LCP2: variants seen among roughly 807,000 people sequenced by gnomAD.
LCP2 encodes 76 kDa tyrosine phosphoprotein.
A neutral mutation model predicts 74.5 loss-of-function variants in LCP2; 29 were observed. That is an observed-to-expected ratio of 0.39 (90% CI 0.29 to 0.53). LCP2 has a LOEUF of 0.53. Among genes scored for constraint, LCP2 ranks in the 20% least tolerant of loss-of-function variants. The pLI is 0.72. For missense variants in LCP2, 604 were observed against 634.6 expected (o/e 0.95, Z 0.52); for synonymous variants, 228 against 229.5 (o/e 0.99, Z 0.06).
chr5:170,277,523 A>G (rs993322384), intron 3 of LCP2, among the ~76,000 whole-genome samples: 7 of 151,848 alleles, frequency 4.6e-5, no homozygotes, highest in African/African-American at 1.7e-4. Context: ...TGAGGTGAGC[A>G]GATCACTGAG....
intron 6 of LCP2, 56 bp downstream of exon 6, chr5:170,274,245 C>T: frequency 6.3e-7 from 1 of 1,583,662 alleles, no homozygotes; most frequent in Non-Finnish European, 8.6e-7. Flanking sequence ...CTCCTTATCA[C>T]AAAGCTGCCC....
At chr5:170,279,860 T>A (rs114687100) in intron 3 of LCP2, among the ~76,000 whole-genome samples, 3 of 151,638 alleles carry the variant, frequency 2.0e-5, no homozygotes, top group Non-Finnish European at 4.4e-5. Context: ...TGAACAACAG[T>A]GAAGGAAGCC....
chr5:170,281,335 A>G (rs947733647), intron 3 of LCP2, among the ~76,000 whole-genome samples: 1 of 151,810 alleles, frequency 6.6e-6, no homozygotes, highest in Non-Finnish European at 1.5e-5. Flanking sequence ...GCTGGAGTGC[A>G]GTGCCACGAT....
chr5:170,262,509 C>G, intron 13 of LCP2, 126 bp downstream of exon 13: 1 of 654,842 alleles, frequency 1.5e-6, no homozygotes, highest in Non-Finnish European at 2.7e-6. Context: ...CCTCAAGCCA[C>G]AGCAAGAAAA....
chr5:170,254,327 T>G (rs746710373), intron 17 of LCP2, among the ~76,000 whole-genome samples: 5 of 152,114 alleles, frequency 3.3e-5, no homozygotes, highest in Non-Finnish European at 7.4e-5. Context: ...AGCAAGTACT[T>G]CCGGTGGTTC....
At chr5:170,263,162 A>G (rs1248850607) in intron 10 of LCP2, among the ~76,000 whole-genome samples, 170 bp from the exon 11 acceptor site, 1 of 152,234 alleles carries the variant, frequency 6.6e-6, no homozygotes, top group African/African-American at 2.4e-5. Context: ...GAGACCACCA[A>G]ATTTTATAAG....
intron 15 of LCP2, 70 bp from the exon 16 acceptor site, chr5:170,258,236 C>A (rs147357408): frequency 8.5e-6 from 13 of 1,536,540 alleles, no homozygotes; most frequent in Non-Finnish European, 1.2e-5. Context: ...ATTCCATAAC[C>A]GCCCCCCAGT....
intron 11 of LCP2, 45 bp from the exon 12 acceptor site, chr5:170,262,906 A>G (rs1429050244): frequency 6.2e-7 from 1 of 1,614,042 alleles, no homozygotes; most frequent in East Asian, 2.2e-5. Flanking sequence ...AGCACTTTTC[A>G]AAGAATAAGG....
chr5:170,253,539 G>A (rs1354150989), intron 17 of LCP2, among the ~76,000 whole-genome samples: 1 of 152,156 alleles, frequency 6.6e-6, no homozygotes, highest in Non-Finnish European at 1.5e-5. Flanking sequence ...TAATGAATGT[G>A]AACGTCAAAA....
intron 3 of LCP2, 73 bp from the exon 4 acceptor site, chr5:170,275,933 C>A: frequency 7.5e-7 from 1 of 1,338,482 alleles, no homozygotes. Flanking sequence ...CCCTTGATAT[C>A]CCCTGGTCTA....
chr5:170,269,013 A>C (rs1487490461), intron 7 of LCP2, among the ~76,000 whole-genome samples: 1 of 150,052 alleles, frequency 6.7e-6, no homozygotes, highest in South Asian at 2.1e-4. Flanking sequence ...TCTCACTGCC[A>C]TAGGGATCTT....
At chr5:170,262,564 C>T in intron 13 of LCP2, 71 bp downstream of exon 13, 1 of 1,174,934 alleles carries the variant, frequency 8.5e-7, no homozygotes, top group Non-Finnish European at 1.2e-6. Flanking sequence ...GTTCCCACTG[C>T]AGAGTCAGCA....
chr5:170,269,179 A>AGCAGAAACTCACATTATCTGG (rs1375807761), intron 7 of LCP2, among the ~76,000 whole-genome samples: 2 of 152,202 alleles, frequency 1.3e-5, no homozygotes, highest in Non-Finnish European at 2.9e-5. Context: ...ATTTGCCTCG[A>AGCAGAAACTCACATTATCTGG]GCAGAAACTC....
At chr5:170,279,319 T>C (rs931087561) in intron 3 of LCP2, among the ~76,000 whole-genome samples, 4 of 152,160 alleles carry the variant, frequency 2.6e-5, no homozygotes, top group African/African-American at 7.2e-5. Context: ...CCAGTCTTCA[T>C]CTTCTCAGTC....
chr5:170,262,708 G>T lies in LCP2; in HGVS notation c.853C>A (p.Pro285Thr), dbSNP rs1761678478. ...CTTTCCGTGGTCGGTGGTAAAGGAG[G>T]CTTTTGAATCTTGGGTAAATGCTCC... ...LGEHLPKIQK[P>T]PLPPTTERHE... Residue 285 changes from proline to threonine, a missense_variant, in exon 13 of 21, where the codon CCT becomes ACT. Pro to Thr is a conservative substitution (Grantham distance 38). Coordinates refer to ENST00000046794, the MANE Select transcript of LCP2 (RefSeq NM_005565.5). 6.2e-7 allele frequency: 1 copy of T among 1,613,842 alleles called. No homozygotes were observed. Among genetic ancestry groups the T allele is most frequent in the African/African-American group, 1.3e-5 (1 of 74,928 alleles).
At chr5:170,267,577 A>AC (rs1761791472) in intron 8 of LCP2, among the ~76,000 whole-genome samples, 1 of 139,222 alleles carries the variant, frequency 7.2e-6, no homozygotes, top group African/African-American at 2.7e-5. Flanking sequence ...GGTCCTTGTC[A>AC]CCTCCCCCCC....
rs1761349086 is a variant in LCP2 at position 170,248,483 on chromosome 5, C to T, written c.*214G>A. On this transcript the variant is annotated 3_prime_UTR_variant, in exon 21 of 21. Coordinates refer to ENST00000046794, the MANE Select transcript of LCP2 (RefSeq NM_005565.5). ...CTAGACTTCAAGTGTGAACATGACT[C>T]ATGCACTTTACAAACATTGAAGAAG... The T allele has an allele frequency of 6.3e-6, 3 of 477,866 alleles. No homozygotes were observed. The highest frequency in any genetic ancestry group is 1.1e-5 in the Non-Finnish European group (3 of 267,694). The allele number at this position is 477,866 out of a possible 1,614,324, so 29.6% of individuals were successfully genotyped here. A position where few individuals can be genotyped will look rare whatever the true frequency, so the allele number is the denominator to read the frequency against.
chr5:170,290,363 A>C (rs1762268331), intron 2 of LCP2, among the ~76,000 whole-genome samples: 1 of 152,110 alleles, frequency 6.6e-6, no homozygotes, highest in Non-Finnish European at 1.5e-5. Context: ...CCTGGGTTTC[A>C]TTCAGGGCAG....
At chr5:170,276,164 C>A (rs1762004630) in intron 3 of LCP2, among the ~76,000 whole-genome samples, 1 of 152,220 alleles carries the variant, frequency 6.6e-6, no homozygotes, top group Non-Finnish European at 1.5e-5. Context: ...CAGCTCACAC[C>A]TGGCTTTCCC....
Sources: gnomAD v4.1 joint callset for allele counts (sites outside exome capture counted in the v4.1 genomes callset) on GRCh38, gnomAD v4.1.1 for gene constraint, MANE v1.5 for transcripts, NCBI Gene and HGNC (gene_info 2026-07-23, HGNC 2026-07-21) for gene names.